Variants in AMPH observed in about 807,000 individuals in gnomAD.
The protein encoded by AMPH is amphiphysin (Stiff-Mann syndrome with breast cancer 128kD autoantigen).
Under a neutral mutation model 99.1 loss-of-function variants are expected in AMPH, and 49 were observed. The ratio of observed to expected loss-of-function variants is 0.49; its 90% confidence interval spans 0.39 to 0.63. AMPH has a LOEUF of 0.63. Ranked by LOEUF, AMPH falls within the 20% of genes least tolerant of loss-of-function variation. AMPH has a pLI of 0.00. For synonymous variants in AMPH, 314 were observed against 317.3 expected, an observed-to-expected ratio of 0.99 and a Z score of 0.11; for missense variants, 759 against 863.4, an observed-to-expected ratio of 0.88 and a Z score of 1.52.
At chr7:38,494,801 T>C (rs191188032) in intron 3 of AMPH, among the ~76,000 whole-genome samples, 13 of 152,266 alleles carry the variant, frequency 8.5e-5, no homozygotes, top group Admixed American at 7.8e-4. Context: ...AAAACTACAA[T>C]AATCATAGTG....
intron 1 of AMPH, among the ~76,000 whole-genome samples, chr7:38,612,008 C>T (rs1395514866): frequency 6.6e-6 from 1 of 152,034 alleles, no homozygotes; most frequent in Non-Finnish European, 1.5e-5. Flanking sequence ...TAAGGACACG[C>T]CTCTGATTGC....
chr7:38,588,057 T>G lies in AMPH; in HGVS notation c.69+43226A>C, dbSNP rs116312766. ...GCCTCGACCTCCTGGGCTCAAGCGA[T>G]CCCCCCACCTCTGCCTCCCAAGTAG... On this transcript the variant is annotated intron_variant, in intron 1 of 20. Transcript: ENST00000356264. Among the ~76,000 whole-genome samples, 1,406 of 151,876 alleles carry G rather than the reference T, an allele frequency of 9.3e-3. 18 individuals carry two copies. Among genetic ancestry groups the G allele is most frequent in the African/African-American group, 0.032 (1,307 of 41,388 alleles).
intron 1 of AMPH, among the ~76,000 whole-genome samples, chr7:38,545,610 T>C (rs1308959736): frequency 6.6e-6 from 1 of 152,128 alleles, no homozygotes; most frequent in African/African-American, 2.4e-5. Context: ...GTAATTTGCC[T>C]CACAAACACA....
rs992253224 is a variant in AMPH, at chr7:38,597,521, C to T, written c.69+33762G>A. Among the ~76,000 whole-genome samples the T allele has an allele frequency of 5.3e-5, 8 of 152,116 alleles. No homozygotes were observed. In the East Asian group the frequency reaches 1.5e-3, roughly 29 times the overall value. Reference sequence around the variant, plus strand: ...GATATGCTCTGAGGTAATTCACTGTCTGAGATTTCTTAAGCAGAATTAAAT... The same window carrying T: ...GATATGCTCTGAGGTAATTCACTGTTTGAGATTTCTTAAGCAGAATTAAAT... On this transcript the variant is annotated intron_variant, in intron 1 of 20. Coordinates refer to ENST00000356264, the MANE Select transcript of AMPH (RefSeq NM_001635.4).
At chr7:38,626,334 T>C (rs1794240450) in intron 1 of AMPH, among the ~76,000 whole-genome samples, 1 of 152,148 alleles carries the variant, frequency 6.6e-6, no homozygotes, top group Admixed American at 6.5e-5. Context: ...ATGGTACTGG[T>C]ACCAAAACAG....
intron 11 of AMPH, among the ~76,000 whole-genome samples, chr7:38,453,282 A>T (rs1027153976): frequency 4.6e-5 from 7 of 152,182 alleles, no homozygotes; most frequent in African/African-American, 1.7e-4. Context: ...ACAGCCAGTG[A>T]GATATAAGAG....
At chr7:38,428,470 C>T in intron 14 of AMPH, 1 of 456,694 alleles carries the variant, frequency 2.2e-6, no homozygotes, top group South Asian at 1.5e-5. Context: ...ATTGATAAAA[C>T]AGCCTGATTT....
At chr7:38,630,441 GA>G (rs922935890) in intron 1 of AMPH, among the ~76,000 whole-genome samples, 30 of 151,976 alleles carry the variant, frequency 2.0e-4, no homozygotes, top group African/African-American at 6.5e-4. Flanking sequence ...CGTCTCTGGG[GA>G]AAAAAAATAA....
intron 7 of AMPH, among the ~76,000 whole-genome samples, chr7:38,471,065 G>T (rs1009386219): frequency 2.6e-5 from 4 of 152,090 alleles, no homozygotes; most frequent in Admixed American, 2.6e-4. Flanking sequence ...ACATCTAACA[G>T]AGTTCTTCAC....
chr7:38,591,484 AC>A (rs1209922174), intron 1 of AMPH, among the ~76,000 whole-genome samples: 25 of 151,932 alleles, frequency 1.6e-4, no homozygotes, highest in Admixed American at 1.6e-3. Flanking sequence ...ATGAGGTTTT[AC>A]CATGTTGGCC....
At position 38,535,025 on chromosome 7, in the gene AMPH, A is replaced by G; in HGVS notation, c.70-14T>C. On this transcript the variant is annotated splice_polypyrimidine_tract_variant and intron_variant, in intron 1 of 20. Transcript: ENST00000356264. ...CTTTTGGAGGACCTAATTTGCAAAT[A>G]AAACAAAATGGTTTAATTTAATAAT... The G allele has an allele frequency of 1.9e-6, 3 of 1,604,464 alleles. No homozygotes were observed. The highest frequency in any genetic ancestry group is 2.6e-6 in the Non-Finnish European group (3 of 1,171,604).
chr7:38,494,555 T>TA, intron 3 of AMPH, 28 bp from the exon 4 acceptor site: 1 of 1,584,388 alleles, frequency 6.3e-7, no homozygotes, highest in Non-Finnish European at 8.7e-7. Context: ...CAACTCCCGT[T>TA]ACACAGAAAT....
chr7:38,433,025 T>A (rs1249908879), intron 12 of AMPH, among the ~76,000 whole-genome samples: 1 of 152,240 alleles, frequency 6.6e-6, no homozygotes, highest in African/African-American at 2.4e-5. Flanking sequence ...TAAAGCCACA[T>A]CCGATTATGC....
intron 1 of AMPH, among the ~76,000 whole-genome samples, chr7:38,552,129 T>C (rs1791201356): frequency 6.6e-6 from 1 of 152,256 alleles, no homozygotes; most frequent in African/African-American, 2.4e-5. Flanking sequence ...AGATGCAGAA[T>C]GCAGTGTTCT....
At chr7:38,423,373 T>G (rs147705862) in intron 15 of AMPH, among the ~76,000 whole-genome samples, 1 of 152,340 alleles carries the variant, frequency 6.6e-6, no homozygotes, top group Non-Finnish European at 1.5e-5. Context: ...CCCAGGTGTC[T>G]TTCCTGGGAA....
At chr7:38,538,428 G>C (rs535336992) in intron 1 of AMPH, among the ~76,000 whole-genome samples, 7 of 152,286 alleles carry the variant, frequency 4.6e-5, no homozygotes, top group African/African-American at 1.7e-4. Context: ...CCCAGGGTGG[G>C]AGGTGTGGAA....
chr7:38,449,172 G>A (rs1409045181), intron 11 of AMPH, among the ~76,000 whole-genome samples: 3 of 152,108 alleles, frequency 2.0e-5, no homozygotes, highest in Non-Finnish European at 4.4e-5. Context: ...GAAGAACTTT[G>A]CTAATATCAA....
At chr7:38,613,557 T>G (rs767687035) in intron 1 of AMPH, among the ~76,000 whole-genome samples, 1 of 152,236 alleles carries the variant, frequency 6.6e-6, no homozygotes, top group Non-Finnish European at 1.5e-5. Context: ...TCCGCTGTTC[T>G]GAGCGGAGAG....
intron 5 of AMPH, among the ~76,000 whole-genome samples, chr7:38,482,817 A>G (rs1788338864): frequency 6.6e-6 from 1 of 152,116 alleles, no homozygotes; most frequent in Non-Finnish European, 1.5e-5. Flanking sequence ...TTTCTTAAGT[A>G]TTGCTTTTAA....
Sources: gnomAD v4.1 joint callset for allele counts (sites outside exome capture counted in the v4.1 genomes callset) on GRCh38, gnomAD v4.1.1 for gene constraint, MANE v1.5 for transcripts, NCBI Gene and HGNC (gene_info 2026-07-23, HGNC 2026-07-21) for gene names.